Variants in DNAH17 observed in about 807,000 individuals in gnomAD.
DNAH17 encodes the protein dynein axonemal heavy chain 17.
A neutral mutation model predicts 485.6 loss-of-function variants in DNAH17; 376 were observed. The ratio of observed to expected loss-of-function variants is 0.77; its 90% CI spans 0.71 to 0.84. DNAH17 has a LOEUF of 0.84. Among genes scored for constraint, DNAH17 ranks in the 40% least tolerant of loss-of-function variants. DNAH17 has a pLI of 0.00. For missense variants in DNAH17, 6,370 were observed against 5,839.3 expected (o/e 1.09, Z -2.96); for synonymous variants, 3,031 against 2,405.9 (o/e 1.26, Z -7.60).
rs890276350 is a variant in DNAH17 at position 78,449,726 on chromosome 17, G to A, written c.11041-142C>T. 13 of 811,000 alleles carry A rather than the reference G, an allele frequency of 1.6e-5. No homozygotes were observed. In the African/African-American group the frequency reaches 1.7e-4, roughly 11 times the overall value. 50.2% of individuals were successfully genotyped at this position (811,000 alleles called of 1,614,324 possible). A position where few individuals can be genotyped will look rare whatever the true frequency, so the allele number is the denominator to read the frequency against. ...AGAGTCTTGCTCTGTCGCCCAGGCT[G>A]GAGTGCAGTGGCGTGATCTTGGCTC... On this transcript the variant is annotated intron_variant, in intron 68 of 80. Transcript: ENST00000389840.
Position 78,526,976 on chromosome 17 carries a change from T to C in DNAH17, c.3528A>G (p.Ala1176=). 6.3e-7 allele frequency: 1 copy of C among 1,584,240 alleles called. No individual in the cohort carries two copies. The highest frequency in any genetic ancestry group is 8.6e-7 in the Non-Finnish European group (1 of 1,165,048). ...LKLQELPEHW[A]NTKKLAIQVK... is the part of the protein sequence containing the mutation. ...CCTGAATGGCCAGTTTCTTGGTATT[T>C]GCCCAGTGCTCCGGCAGCTCCTGCG... The change falls in exon 23 of 81, where the codon GCA becomes GCG. Residue 1176 remains alanine (A), a synonymous_variant. Coordinates refer to ENST00000389840, the MANE Select transcript of DNAH17 (RefSeq NM_173628.4).
At chr17:78,449,773 G>A in intron 68 of DNAH17, 189 bp from the exon 69 acceptor site, 1 of 584,548 alleles carries the variant, frequency 1.7e-6, no homozygotes, top group Admixed American at 3.0e-5. Flanking sequence ...TGCAGTGAGG[G>A]AGGTTGCAGT....
intron 16 of DNAH17, among the ~76,000 whole-genome samples, chr17:78,546,911 G>A (rs1249625803): frequency 2.7e-5 from 4 of 150,516 alleles, no homozygotes; most frequent in Non-Finnish European, 3.0e-5. Context: ...TCTCAAGAAA[G>A]AAAAAAAAAA....
At position 78,526,679 on chromosome 17, in the gene DNAH17, T is replaced by C; in HGVS notation, c.3683A>G (p.Asp1228Gly). The C allele has an allele frequency of 6.2e-7, 1 of 1,610,326 alleles. No homozygotes were observed. Among genetic ancestry groups the C allele is most frequent in the Non-Finnish European group, 8.5e-7 (1 of 1,177,360 alleles). The change falls in exon 24 of 81, where the codon GAC becomes GGC. Residue 1228 changes from aspartate (D) to glycine (G), a missense_variant. By Grantham distance (94) the Asp-to-Gly change is moderately conservative. Coordinates refer to ENST00000389840, the MANE Select transcript of DNAH17 (RefSeq NM_173628.4). ...ATTCAGGGACTTGTAGGGGTTGGGG[T>C]CGCTGAAGGAGAACGGGGCCTCGCG... ...FRREAPFSFS[D>G]PNPYKSLNKQ...
chr17:78,561,250 C>T (rs1455703672), intron 12 of DNAH17, among the ~76,000 whole-genome samples: 3 of 151,980 alleles, frequency 2.0e-5, no homozygotes, highest in Non-Finnish European at 4.4e-5. Context: ...CTGGGGCCAA[C>T]TAGATGAAAG....
At position 78,566,715 on chromosome 17, in the gene DNAH17, A is replaced by C. The variant is rs761007155; in HGVS notation, c.1468T>G (p.Tyr490Asp). The change falls in exon 11 of 81, where the codon TAT (tyrosine) becomes GAT (aspartate). Residue 490 changes from tyrosine (Y) to aspartate (D), a missense_variant. Physicochemically the swap from Tyr to Asp is radical, Grantham distance 160. Transcript: ENST00000389840. Reference protein sequence around the residue: ...DPGDSNFDRDYADFEIKIQDL... With the variant: ...DPGDSNFDRDDADFEIKIQDL... ...TGGATTTTGATCTCAAAATCAGCAT[A>C]ATCACGGTCAAAATTCTAAAAGCAA... 5.6e-6 allele frequency: 9 copies of C among 1,603,478 alleles called. No individual in the cohort carries two copies. In the South Asian group the frequency reaches 1.0e-4, roughly 18 times the overall value.
At chr17:78,490,578 G>C in intron 44 of DNAH17, 121 bp downstream of exon 44, 5 of 1,381,216 alleles carry the variant, frequency 3.6e-6, no homozygotes, top group Non-Finnish European at 4.9e-6. Flanking sequence ...CTGGTGCCTG[G>C]TGAGGGCCTG....
chr17:78,466,860 T>C lies in DNAH17; in HGVS notation c.8779-44A>G, dbSNP rs762480248. On this transcript the variant is annotated intron_variant, in intron 55 of 80. Coordinates refer to ENST00000389840, the MANE Select transcript of DNAH17 (RefSeq NM_173628.4). ...GATGCGCTGCCTACTGGGACTGCAG[T>C]GCTGGGGCCTAATCCATCACTCTGC... 13 of 1,492,614 alleles carry C rather than the reference T, an allele frequency of 8.7e-6. No homozygotes were observed. The South Asian group carries it at 1.6e-4, about 18-fold the overall frequency. 92.5% of individuals were successfully genotyped at this position (1,492,614 alleles called of 1,614,324 possible).
intron 74 of DNAH17, among the ~76,000 whole-genome samples, chr17:78,435,777 T>C (rs1440057944): frequency 2.0e-5 from 3 of 152,200 alleles, no homozygotes; most frequent in African/African-American, 7.2e-5. Flanking sequence ...AGGGCTGCTG[T>C]GAGCTGCATG....
intron 9 of DNAH17, among the ~76,000 whole-genome samples, chr17:78,568,635 G>A (rs1306602605): frequency 1.3e-5 from 2 of 152,126 alleles, no homozygotes; most frequent in East Asian, 3.9e-4. Context: ...GCTCAGGCTG[G>A]ACTGCAGTGG....
intron 75 of DNAH17, among the ~76,000 whole-genome samples, chr17:78,429,503 C>T (rs181144114): frequency 4.6e-5 from 7 of 152,346 alleles, no homozygotes; most frequent in South Asian, 2.1e-4. Context: ...CGCCACCAGA[C>T]GCCAATGTCC....
chr17:78,436,844 CCAAACAAA>C (rs56360405), intron 74 of DNAH17, among the ~76,000 whole-genome samples: 124,404 of 150,306 alleles, frequency 0.83, 52,824 homozygotes, highest in East Asian at 0.94. Context: ...GACTCCATCT[CCAAACAAA>C]CAAACAAACA....
Position 78,433,061 on chromosome 17 carries a change from C to T in DNAH17, c.12225+968G>A, listed in dbSNP as rs114805161. 4.7e-3 allele frequency among the ~76,000 whole-genome samples: 718 copies of T among 152,216 alleles called. 10 individuals are homozygous for T. Among genetic ancestry groups the T allele is most frequent in the African/African-American group, 0.017 (687 of 41,534 alleles). On this transcript the variant is annotated intron_variant, in intron 75 of 80. Transcript: ENST00000389840. ...CCCTCCCAGTCTGTAAGAGGGTGCC[C>T]GGACCTTGCTCTCTCTGAGCCAGGG...
chr17:78,475,615 G>A (rs2088978606), intron 53 of DNAH17, 54 bp downstream of exon 53: 3 of 1,606,480 alleles, frequency 1.9e-6, no homozygotes, highest in Non-Finnish European at 8.5e-7. Context: ...TGCAACCGGA[G>A]AGGGTGACCC....
chr17:78,576,438 A>C (rs1419402012), intron 1 of DNAH17, among the ~76,000 whole-genome samples: 1 of 152,142 alleles, frequency 6.6e-6, no homozygotes. Context: ...AAGCCACCCG[A>C]TTCAGGCACA....
At chr17:78,427,293 T>TG (rs1286308234) in intron 77 of DNAH17, among the ~76,000 whole-genome samples, 185 bp from the exon 78 acceptor site, 1 of 152,180 alleles carries the variant, frequency 6.6e-6, no homozygotes, top group African/African-American at 2.4e-5. Flanking sequence ...GAGGGAGCCT[T>TG]GGCCAGCGGC....
Position 78,510,369 on chromosome 17 carries a change from G to A in DNAH17, c.4236+15C>T, listed in dbSNP as rs1042434860. ...GATCCCACGTTGCACAGACAGCACCGCCAGCACGGCCTACCTTTTCCATGC... is the reference window on the plus strand; with the variant it reads ...GATCCCACGTTGCACAGACAGCACCACCAGCACGGCCTACCTTTTCCATGC... On this transcript the variant is annotated intron_variant, in intron 27 of 80. Coordinates refer to ENST00000389840, the MANE Select transcript of DNAH17 (RefSeq NM_173628.4). 4.3e-6 allele frequency: 7 copies of A among 1,610,852 alleles called. No individual in the cohort carries two copies. The South Asian group carries it at 4.4e-5, about 10-fold the overall frequency.
chr17:78,530,493 A>G lies in DNAH17; in HGVS notation c.3134T>C (p.Leu1045Pro). The G allele has an allele frequency of 6.2e-7, 1 of 1,608,360 alleles. No individual in the cohort carries two copies. The highest frequency in any genetic ancestry group is 1.1e-5 in the South Asian group (1 of 90,838). The change falls in exon 21 of 81, where the codon CTG becomes CCG. Residue 1045 changes from leucine to proline, a missense_variant. By Grantham distance (98) the Leu-to-Pro change is moderately conservative. Transcript: ENST00000389840. Reference protein sequence around the residue: ...FQEQIDSYEKLYEEVSKCENT... With the variant: ...FQEQIDSYEKPYEEVSKCENT... ...CTCGCACTTGGACACCTCCTCATAC[A>G]GCTTCTCGTAGGAGTCGATCTGGAA...
chr17:78,543,120 G>A (rs1042543806), intron 17 of DNAH17, among the ~76,000 whole-genome samples: 6 of 32,468 alleles, frequency 1.8e-4, no homozygotes, highest in African/African-American at 1.7e-3. Flanking sequence ...CATAGGTTTT[G>A]TTTTGTTTTG....
Sources: gnomAD v4.1 joint callset for allele counts (sites outside exome capture counted in the v4.1 genomes callset) on GRCh38, gnomAD v4.1.1 for gene constraint, MANE v1.5 for transcripts, NCBI Gene and HGNC (gene_info 2026-07-23, HGNC 2026-07-21) for gene names.